Variants in PLEKHA7 observed in about 807,000 individuals in gnomAD.
PLEKHA7 encodes pleckstrin homology domain containing A7.
Under a neutral mutation model 170.0 loss-of-function variants are expected in PLEKHA7, and 104 were observed. The observed-to-expected ratio is 0.61, with a 90% confidence interval of 0.52 to 0.72. The LOEUF is 0.72. PLEKHA7 is among the 30% of genes least tolerant of loss of function. The pLI is 0.00. For synonymous variants in PLEKHA7, 648 were observed against 660.8 expected (o/e 0.98, Z 0.30); for missense variants, 1,615 against 1,671.7 (o/e 0.97, Z 0.59).
At chr11:16,919,391 A>G (rs1858923632) in intron 3 of PLEKHA7, among the ~76,000 whole-genome samples, 1 of 152,272 alleles carries the variant, frequency 6.6e-6, no homozygotes, top group African/African-American at 2.4e-5. Context: ...AAGAAAATAA[A>G]AAGAACCAGA....
At chr11:16,953,354 A>C (rs1002137197) in intron 3 of PLEKHA7, among the ~76,000 whole-genome samples, 5 of 152,276 alleles carry the variant, frequency 3.3e-5, no homozygotes, top group African/African-American at 1.2e-4. Flanking sequence ...ATCCAAAGAA[A>C]GTTATAAGAA....
At chr11:16,911,561 T>C (rs1858246930) in intron 3 of PLEKHA7, among the ~76,000 whole-genome samples, 1 of 152,146 alleles carries the variant, frequency 6.6e-6, no homozygotes, top group African/African-American at 2.4e-5. Context: ...TATTCACTCA[T>C]GGCAGTAGTC....
chr11:16,819,683 A>G (rs1225836086), intron 10 of PLEKHA7, among the ~76,000 whole-genome samples: 1 of 152,258 alleles, frequency 6.6e-6, no homozygotes, highest in Non-Finnish European at 1.5e-5. Context: ...CATTAATGAA[A>G]TAAGCCAGGC....
intron 3 of PLEKHA7, among the ~76,000 whole-genome samples, chr11:17,007,911 T>C (rs904691837): frequency 9.9e-5 from 15 of 152,110 alleles, no homozygotes; most frequent in African/African-American, 3.4e-4. Context: ...AATTGCAGTT[T>C]TTACCATTAA....
chr11:16,923,578 G>A (rs1366961564), intron 3 of PLEKHA7, among the ~76,000 whole-genome samples: 1 of 152,134 alleles, frequency 6.6e-6, no homozygotes, highest in East Asian at 1.9e-4. Flanking sequence ...AGAGAGGCAG[G>A]CGAACTCAGC....
chr11:16,842,742 C>T (rs1852073118), intron 8 of PLEKHA7, among the ~76,000 whole-genome samples: 1 of 152,060 alleles, frequency 6.6e-6, no homozygotes, highest in Non-Finnish European at 1.5e-5. Flanking sequence ...TTGCAAGGAA[C>T]AATCTCACCA....
At chr11:16,941,659 A>AG (rs1860700863) in intron 3 of PLEKHA7, among the ~76,000 whole-genome samples, 2 of 152,222 alleles carry the variant, frequency 1.3e-5, no homozygotes, top group Non-Finnish European at 2.9e-5. Context: ...TGAGCAAGGT[A>AG]TTATTTATTA....
intron 9 of PLEKHA7, among the ~76,000 whole-genome samples, chr11:16,839,655 A>T (rs1016219526): frequency 5.9e-5 from 9 of 152,108 alleles, no homozygotes; most frequent in Admixed American, 1.3e-4. Context: ...ACAGTATAAC[A>T]ACTATTTACA....
At chr11:16,892,122 G>C (rs778082576) in intron 3 of PLEKHA7, among the ~76,000 whole-genome samples, 2 of 152,196 alleles carry the variant, frequency 1.3e-5, no homozygotes, top group Non-Finnish European at 2.9e-5. Context: ...GGTAATGGAA[G>C]AATGCAAACC....
At chr11:17,003,665 C>T (rs552817436) in intron 3 of PLEKHA7, among the ~76,000 whole-genome samples, 124 of 152,304 alleles carry the variant, frequency 8.1e-4, no homozygotes, top group Non-Finnish European at 1.2e-3. Context: ...GAATTAGAGT[C>T]TAGGTAGTCT....
At chr11:17,004,390 T>C (rs925461069) in intron 3 of PLEKHA7, among the ~76,000 whole-genome samples, 2 of 102,312 alleles carry the variant, frequency 2.0e-5, no homozygotes, top group Non-Finnish European at 4.2e-5. Context: ...TTTTCCTTTT[T>C]CTTTTTCTTT....
chr11:16,992,075 A>AC (rs35949484), intron 3 of PLEKHA7, among the ~76,000 whole-genome samples: 47,736 of 150,982 alleles, frequency 0.32, 8,204 homozygotes, highest in Middle Eastern at 0.39. Flanking sequence ...TGGTCCAGGG[A>AC]CCCCCCCCAG....
intron 3 of PLEKHA7, among the ~76,000 whole-genome samples, chr11:16,873,881 G>C (rs1410158307): frequency 6.6e-6 from 1 of 152,112 alleles, no homozygotes; most frequent in Non-Finnish European, 1.5e-5. Flanking sequence ...TGGCCAGGCT[G>C]GTCTTAAACT....
chr11:16,812,807 G>A (rs754044720), intron 13 of PLEKHA7, among the ~76,000 whole-genome samples: 32 of 152,164 alleles, frequency 2.1e-4, no homozygotes, highest in East Asian at 7.7e-4. Flanking sequence ...TGGAGACTCC[G>A]AAGAAGCGAC....
At chr11:16,898,514 G>A (rs897144126) in intron 3 of PLEKHA7, among the ~76,000 whole-genome samples, 8 of 152,190 alleles carry the variant, frequency 5.3e-5, no homozygotes, top group Non-Finnish European at 1.0e-4. Flanking sequence ...CTGGAGGACA[G>A]AAGTAATAGT....
intron 24 of PLEKHA7, among the ~76,000 whole-genome samples, chr11:16,784,579 C>T (rs900848357): frequency 2.0e-5 from 3 of 152,292 alleles, no homozygotes; most frequent in South Asian, 2.1e-4. Flanking sequence ...GTGGCAAACT[C>T]GGCTTGGTGA....
At chr11:16,792,799 G>A (rs1312362116) in intron 19 of PLEKHA7, among the ~76,000 whole-genome samples, 5 of 152,098 alleles carry the variant, frequency 3.3e-5, no homozygotes, top group Admixed American at 3.3e-4. Context: ...TTTGAGACAG[G>A]GTCTTGCTGT....
intron 3 of PLEKHA7, among the ~76,000 whole-genome samples, chr11:16,973,197 A>C (rs1862833660): frequency 6.6e-6 from 1 of 152,186 alleles, no homozygotes; most frequent in Admixed American, 6.5e-5. Flanking sequence ...GCACTTGCCA[A>C]GCCCCAGATC....
chr11:16,794,074 C>T (rs973327971), intron 19 of PLEKHA7, among the ~76,000 whole-genome samples: 2 of 152,152 alleles, frequency 1.3e-5, no homozygotes, highest in Non-Finnish European at 2.9e-5. Context: ...GGGAAGGACA[C>T]TTTTCCACTG....
Sources: gnomAD v4.1 joint callset for allele counts (sites outside exome capture counted in the v4.1 genomes callset) on GRCh38, gnomAD v4.1.1 for gene constraint, MANE v1.5 for transcripts, NCBI Gene and HGNC (gene_info 2026-07-23, HGNC 2026-07-21) for gene names.